CSMD1: variants seen among roughly 807,000 people sequenced by gnomAD.
CSMD1 encodes CUB and sushi domain-containing protein 1.
A neutral mutation model predicts 417.5 loss-of-function variants in CSMD1; 213 were observed. The observed-to-expected ratio is 0.51, with a 90% CI of 0.46 to 0.57. CSMD1 has a LOEUF of 0.57. Among genes scored for constraint, CSMD1 ranks in the 20% least tolerant of loss-of-function variants. The pLI is 0.00. For missense variants in CSMD1, 6,923 were observed against 4,529.7 expected (o/e 1.53, Z -15.17); for synonymous variants, 2,862 against 1,736.8 (o/e 1.65, Z -16.11).
chr8:3,304,396 T>A (rs991692030), intron 25 of CSMD1, among the ~76,000 whole-genome samples: 2 of 152,158 alleles, frequency 1.3e-5, no homozygotes, highest in Non-Finnish European at 2.9e-5. Context: ...GTACATGATA[T>A]ACAATTTTAG....
chr8:4,984,764 G>C (rs966087184), intron 1 of CSMD1, among the ~76,000 whole-genome samples: 1 of 152,172 alleles, frequency 6.6e-6, no homozygotes, highest in African/African-American at 2.4e-5. Context: ...ACAGCAGAAG[G>C]AAAAACCCCC....
rs142542725 is a variant in CSMD1 at position 3,214,487 on chromosome 8, G to A, written c.4867+10C>T. ...TTGTATTTCTAGAAAATACCCAAGC[G>A]TGCACTCACCATTGCAGGAGGGCAG... On this transcript the variant is annotated intron_variant, in intron 30 of 69. Transcript: ENST00000635120. The A allele has an allele frequency of 3.3e-3, 5,122 of 1,571,364 alleles. 17 individuals are homozygous for A. The highest frequency in any genetic ancestry group is 0.019 in the African/African-American group (1,403 of 73,840).
At chr8:4,604,030 A>G (rs1008523906) in intron 2 of CSMD1, among the ~76,000 whole-genome samples, 1 of 152,110 alleles carries the variant, frequency 6.6e-6, no homozygotes, top group Non-Finnish European at 1.5e-5. Context: ...AACTGGAAAG[A>G]TATGTATCAG....
intron 1 of CSMD1, among the ~76,000 whole-genome samples, chr8:4,778,473 G>C (rs1271679007): frequency 6.6e-6 from 1 of 152,136 alleles, no homozygotes; most frequent in Non-Finnish European, 1.5e-5. Flanking sequence ...TTTTCTGCAT[G>C]AGATAATGCA....
At chr8:3,010,415 A>C (rs1445927881) in intron 52 of CSMD1, among the ~76,000 whole-genome samples, 2 of 152,094 alleles carry the variant, frequency 1.3e-5, no homozygotes, top group African/African-American at 4.8e-5. Context: ...CGGGTGTCAG[A>C]GTTATCAGAT....
chr8:4,936,143 T>C (rs1015891026), intron 1 of CSMD1, among the ~76,000 whole-genome samples: 2 of 152,232 alleles, frequency 1.3e-5, no homozygotes, highest in Admixed American at 6.5e-5. Context: ...CCACATAATC[T>C]TTCTTGCTAC....
intron 8 of CSMD1, among the ~76,000 whole-genome samples, chr8:3,593,100 C>T (rs117453048): frequency 0.033 from 4,984 of 152,278 alleles, 117 homozygotes; most frequent in Non-Finnish European, 0.054. Context: ...CTGCTTAAAG[C>T]GGTCTGGCTA....
Position 4,043,576 on chromosome 8 carries a change from C to T in CSMD1, c.416-11477G>A, listed in dbSNP as rs192852145. ...CTTTATGTGTGCTGCTGTCTGGCCG[C>T]CTTGAGGGGGAAATCAATGTAGAAT... On this transcript the variant is annotated intron_variant, in intron 3 of 69. Coordinates refer to ENST00000635120, the MANE Select transcript of CSMD1 (RefSeq NM_033225.6). 9.0e-3 allele frequency among the ~76,000 whole-genome samples: 1,372 copies of T among 152,214 alleles called. 4 individuals are homozygous for T. Among genetic ancestry groups the T allele is most frequent in the Non-Finnish European group, 0.016 (1,072 of 68,020 alleles).
At chr8:4,187,154 T>C (rs965338922) in intron 3 of CSMD1, among the ~76,000 whole-genome samples, 4 of 147,344 alleles carry the variant, frequency 2.7e-5, no homozygotes, top group African/African-American at 1.0e-4. Flanking sequence ...GATTTACTGC[T>C]TGTAGTATTA....
chr8:4,915,686 G>C (rs1181815142), intron 1 of CSMD1, among the ~76,000 whole-genome samples: 1 of 152,214 alleles, frequency 6.6e-6, no homozygotes, highest in Non-Finnish European at 1.5e-5. Flanking sequence ...GGCGGCAGTG[G>C]ATTTCGGGAG....
intron 23 of CSMD1, among the ~76,000 whole-genome samples, chr8:3,323,453 T>C (rs559364116): frequency 3.9e-4 from 60 of 152,010 alleles, no homozygotes; most frequent in Non-Finnish European, 8.1e-4. Flanking sequence ...TGAACCCCTC[T>C]CTCTCTCTCT....
chr8:4,538,995 A>T (rs1797245713), intron 2 of CSMD1, among the ~76,000 whole-genome samples: 1 of 152,206 alleles, frequency 6.6e-6, no homozygotes, highest in Non-Finnish European at 1.5e-5. Context: ...CAGCCAAAAT[A>T]AATAAAATAA....
chr8:4,114,479 T>C (rs182753895), intron 3 of CSMD1, among the ~76,000 whole-genome samples: 32 of 152,318 alleles, frequency 2.1e-4, no homozygotes, highest in African/African-American at 7.0e-4. Flanking sequence ...ATTAATGTTG[T>C]CTTCATGCCA....
intron 35 of CSMD1, among the ~76,000 whole-genome samples, chr8:3,188,304 C>CTTTTTTTT (rs33913660): frequency 1.1e-5 from 1 of 87,624 alleles, no homozygotes; most frequent in East Asian, 3.9e-4. Flanking sequence ...CTTTTCCTTT[C>CTTTTTTTT]TTTTTTTTTT....
At chr8:4,499,971 A>G (rs1217689) in intron 2 of CSMD1, among the ~76,000 whole-genome samples, 121,466 of 151,436 alleles carry the variant, frequency 0.8, 48,734 homozygotes, top group East Asian at 0.86. Context: ...AAAAGCAGAT[A>G]TCTATGAACT....
At chr8:4,485,300 C>T (rs1801318824) in intron 2 of CSMD1, among the ~76,000 whole-genome samples, 1 of 152,184 alleles carries the variant, frequency 6.6e-6, no homozygotes, top group South Asian at 2.1e-4. Flanking sequence ...CATTTATCCC[C>T]AGTTGAAATT....
intron 3 of CSMD1, among the ~76,000 whole-genome samples, chr8:4,301,481 C>T (rs754399436): frequency 1.3e-5 from 2 of 152,162 alleles, no homozygotes; most frequent in Non-Finnish European, 2.9e-5. Flanking sequence ...GATCTTGATG[C>T]CACTTGCATA....
chr8:3,189,603 T>G (rs1274801152), intron 34 of CSMD1, among the ~76,000 whole-genome samples: 2 of 152,164 alleles, frequency 1.3e-5, no homozygotes, highest in Non-Finnish European at 2.9e-5. Flanking sequence ...ATATAGCAAA[T>G]CAACATGATA....
At chr8:3,224,582 G>C (rs1374190813) in intron 27 of CSMD1, among the ~76,000 whole-genome samples, 1 of 152,150 alleles carries the variant, frequency 6.6e-6, no homozygotes, top group Non-Finnish European at 1.5e-5. Context: ...CTGAGCTGGA[G>C]CATTACTCTC....
Sources: gnomAD v4.1 joint callset for allele counts (sites outside exome capture counted in the v4.1 genomes callset) on GRCh38, gnomAD v4.1.1 for gene constraint, MANE v1.5 for transcripts, NCBI Gene and HGNC (gene_info 2026-07-23, HGNC 2026-07-21) for gene names.